AGAP1: variants seen among roughly 807,000 people sequenced by gnomAD.
AGAP1 encodes ArfGAP with GTPase domain, ankyrin repeat and PH domain 1.
Under a neutral mutation model 105.3 loss-of-function variants are expected in AGAP1, and 29 were observed. The ratio of observed to expected loss-of-function variants is 0.28; its 90% CI spans 0.21 to 0.38. AGAP1 has a LOEUF of 0.38. Ranked by LOEUF, AGAP1 falls within the 10% of genes least tolerant of loss-of-function variation. AGAP1 has a pLI of 1.00. For missense variants in AGAP1, 998 were observed against 1,165.1 expected (o/e 0.86, Z 2.09); for synonymous variants, 509 against 485.9 (o/e 1.05, Z -0.63).
rs71064869 is a variant in AGAP1, at chr2:235,682,797, C to CGTGTGTGTGTGTGTGTGTGTGTGT, written c.164-26360_164-26359insGTGTGTGTGTGTGTGTGTGTGTGT. 4.1e-3 allele frequency among the ~76,000 whole-genome samples: 609 copies of CGTGTGTGTGTGTGTGTGTGTGTGT among 149,554 alleles called. 4 individuals are homozygous for CGTGTGTGTGTGTGTGTGTGTGTGT. Among genetic ancestry groups the CGTGTGTGTGTGTGTGTGTGTGTGT allele is most frequent in the African/African-American group, 0.014 (581 of 40,292 alleles). On this transcript the variant is annotated intron_variant, in intron 1 of 17. Transcript: ENST00000304032. ...AACTCGATGTGTGGGTGTGTGCACA[C>CGTGTGTGTGTGTGTGTGTGTGTGT]GTGTGTGTGTGTGTGTGTGTGTTTT...
At position 235,639,020 on chromosome 2, in the gene AGAP1, G is replaced by A. The variant is rs1475125800; in HGVS notation, c.164-70159G>A. On this transcript the variant is annotated intron_variant, in intron 1 of 17. Coordinates refer to ENST00000304032, the MANE Select transcript of AGAP1 (RefSeq NM_001037131.3). This position sits in a 1 kb window ranked among gnomAD's most constrained non-coding sequence, Gnocchi z 5.3. Reference sequence around the variant, plus strand: ...GCAGAATCACCTGCTGAGACCCACTGGTTAAAATAGTGTCAGTAGGGGTGG... The same window carrying A: ...GCAGAATCACCTGCTGAGACCCACTAGTTAAAATAGTGTCAGTAGGGGTGG... Among the ~76,000 whole-genome samples, 1 of 152,136 alleles carries A rather than the reference G, an allele frequency of 6.6e-6. No individual in the cohort carries two copies. The highest frequency in any genetic ancestry group is 1.5e-5 in the Non-Finnish European group (1 of 68,024).
rs1470517916 is a variant in AGAP1, at chr2:236,036,204, A to G, written c.1646-357A>G. The stretch of plus-strand genomic sequence containing the variant: ...CCTGCAGCCGGAGATTAGCGGCCCT[A>G]ACTTAATTTTCGTCCCACAGATAAG... On this transcript the variant is annotated intron_variant, in intron 13 of 17. Coordinates refer to ENST00000304032, the MANE Select transcript of AGAP1 (RefSeq NM_001037131.3). The surrounding 1 kb of genome is among the most constrained non-coding windows in gnomAD (Gnocchi z 5.7). Among the ~76,000 whole-genome samples, 61 of 152,266 alleles carry G rather than the reference A, an allele frequency of 4.0e-4. 1 individual carries two copies. Among genetic ancestry groups the G allele is most frequent in the Non-Finnish European group, 1.2e-4 (8 of 68,018 alleles).
chr2:236,081,968 A>G (rs940273344), intron 16 of AGAP1, among the ~76,000 whole-genome samples: 4 of 152,302 alleles, frequency 2.6e-5, no homozygotes, highest in Admixed American at 2.0e-4. Context: ...CATGCATGGG[A>G]AGTCAAACCT....
chr2:235,987,626 T>C (rs1040784703), intron 13 of AGAP1, among the ~76,000 whole-genome samples: 2 of 152,128 alleles, frequency 1.3e-5, no homozygotes, highest in African/African-American at 4.8e-5. Flanking sequence ...TCTCTAGCTC[T>C]TTCCAATGTG....
In AGAP1 at chr2:236,042,516, T is replaced by C. The variant is rs1471014545; in HGVS notation, c.1891+1675T>C. ...TGTTTCTATCAAAAAGTTTTAAAAGTAAGAGCTTTTTTAAAAGCACGAATC... is the reference window on the plus strand; with the variant it reads ...TGTTTCTATCAAAAAGTTTTAAAAGCAAGAGCTTTTTTAAAAGCACGAATC... On this transcript the variant is annotated intron_variant, in intron 15 of 17. Coordinates refer to ENST00000304032, the MANE Select transcript of AGAP1 (RefSeq NM_001037131.3). This position sits in a 1 kb window ranked among gnomAD's most constrained non-coding sequence, Gnocchi z 5.6. Among the ~76,000 whole-genome samples, 1 of 152,214 alleles carries C rather than the reference T, an allele frequency of 6.6e-6. No homozygotes were observed. Among genetic ancestry groups the C allele is most frequent in the Non-Finnish European group, 1.5e-5 (1 of 68,026 alleles).
At position 236,036,289 on chromosome 2, in the gene AGAP1, A is replaced by G. The variant is rs1335049111; in HGVS notation, c.1646-272A>G. 6.6e-6 allele frequency among the ~76,000 whole-genome samples: 1 copy of G among 152,228 alleles called. No individual in the cohort carries two copies. Among genetic ancestry groups the G allele is most frequent in the Non-Finnish European group, 1.5e-5 (1 of 68,040 alleles). On this transcript the variant is annotated intron_variant, in intron 13 of 17. Coordinates refer to ENST00000304032, the MANE Select transcript of AGAP1 (RefSeq NM_001037131.3). This position sits in a 1 kb window ranked among gnomAD's most constrained non-coding sequence, Gnocchi z 5.7. ...AAGTTGCTTTGTGTGTGCACCACAC[A>G]GAGACGCTGACATCACTCGTTGATT...
Position 235,979,824 on chromosome 2 carries a change from AAAG to A in AGAP1, c.1645+11202_1645+11204del, listed in dbSNP as rs2055015871. Among the ~76,000 whole-genome samples the A allele has an allele frequency of 6.6e-6, 1 of 152,220 alleles. No homozygotes were observed. The highest frequency in any genetic ancestry group is 6.5e-5 in the Admixed American group (1 of 15,286). On this transcript the variant is annotated intron_variant, in intron 13 of 17. Transcript: ENST00000304032. The surrounding 1 kb of genome is among the most constrained non-coding windows in gnomAD (Gnocchi z 4.5). Reference sequence around the variant, plus strand: ...TCTATTTAATTTTTTTAAGTGGAAAAAAGCAAAGGAAAAATGTTTTAGTTTTCT... The same window carrying A: ...TCTATTTAATTTTTTTAAGTGGAAAACAAAGGAAAAATGTTTTAGTTTTCT...
intron 1 of AGAP1, among the ~76,000 whole-genome samples, chr2:235,686,620 GATATATATATAT>G (rs1194270184): frequency 1.7e-5 from 1 of 57,244 alleles, no homozygotes; most frequent in Non-Finnish European, 3.2e-5. Context: ...TGGAGATATA[GATATATATATAT>G]ATATATATAT....
At chr2:235,950,886 A>T (rs1178576560) in intron 12 of AGAP1, among the ~76,000 whole-genome samples, 1 of 111,700 alleles carries the variant, frequency 9.0e-6, no homozygotes, top group Non-Finnish European at 1.8e-5. Context: ...ATCTCCAAGC[A>T]CTTTTTTTTT....
At chr2:236,085,017 A>T (rs2058889010) in intron 16 of AGAP1, among the ~76,000 whole-genome samples, 2 of 151,984 alleles carry the variant, frequency 1.3e-5, no homozygotes, top group South Asian at 4.2e-4. Flanking sequence ...GTTCAAGACC[A>T]GCCTGGCCAA....
Position 235,988,868 on chromosome 2 carries a change from T to C in AGAP1, c.1645+20245T>C, listed in dbSNP as rs561968188. Among the ~76,000 whole-genome samples, 2 of 152,160 alleles carry C rather than the reference T, an allele frequency of 1.3e-5. No individual in the cohort carries two copies. The highest frequency in any genetic ancestry group is 2.9e-5 in the Non-Finnish European group (2 of 67,978). On this transcript the variant is annotated intron_variant, in intron 13 of 17. Transcript: ENST00000304032. The surrounding 1 kb of genome is among the most constrained non-coding windows in gnomAD (Gnocchi z 4.7). The stretch of plus-strand genomic sequence containing the variant: ...TCCTTGACTCTCATCACTCACATGG[T>C]CCCCCAGCAGGTAACTTGCTTCAGC...
intron 6 of AGAP1, among the ~76,000 whole-genome samples, chr2:235,759,359 C>CG (rs1292973657): frequency 1.1e-4 from 16 of 151,046 alleles, no homozygotes; most frequent in African/African-American, 3.9e-4. Context: ...TTAGTAGAGA[C>CG]GGGCTTTCAC....
rs2125972467 is a variant in AGAP1 at position 236,119,370 on chromosome 2, T to C, written c.2115-822T>C. Among the ~76,000 whole-genome samples, 1 of 152,250 alleles carries C rather than the reference T, an allele frequency of 6.6e-6. No homozygotes were observed. Among genetic ancestry groups the C allele is most frequent in the Middle Eastern group, 3.4e-3 (1 of 292 alleles). On this transcript the variant is annotated intron_variant, in intron 16 of 17. Transcript: ENST00000304032. The surrounding 1 kb of genome is among the most constrained non-coding windows in gnomAD (Gnocchi z 6.6). ...CCTTTCCACTTAAGCCTTCCCCAAG[T>C]ATCTGGAGATTCCAAAAGCTGCATC...
At chr2:236,063,204 C>T (rs771591576) in intron 16 of AGAP1, among the ~76,000 whole-genome samples, 28 of 152,194 alleles carry the variant, frequency 1.8e-4, no homozygotes, top group Non-Finnish European at 3.7e-4. Flanking sequence ...AGTGATTCTC[C>T]TGCCTCAGCC....
rs953009328 is a variant in AGAP1, at chr2:236,087,989, G to A, written c.2115-32203G>A. ...GACCTGCTTGGTATCCTTGGCCCCG[G>A]GGTCCAGGTTATTCAGTTTGTTGAT... is the stretch of plus-strand genomic sequence containing the variant. On this transcript the variant is annotated intron_variant, in intron 16 of 17. Transcript: ENST00000304032. The surrounding 1 kb of genome is among the most constrained non-coding windows in gnomAD (Gnocchi z 5.7). Among the ~76,000 whole-genome samples, 1 of 152,178 alleles carries A rather than the reference G, an allele frequency of 6.6e-6. No homozygotes were observed. Among genetic ancestry groups the A allele is most frequent in the Non-Finnish European group, 1.5e-5 (1 of 68,028 alleles).
chr2:235,796,159 C>T (rs1957233796), intron 6 of AGAP1, among the ~76,000 whole-genome samples: 1 of 152,096 alleles, frequency 6.6e-6, no homozygotes, highest in African/African-American at 2.4e-5. Context: ...TAATCAAAGC[C>T]CCTTATTGCT....
At chr2:235,921,016 T>C (rs924571612) in intron 11 of AGAP1, among the ~76,000 whole-genome samples, 1 of 152,232 alleles carries the variant, frequency 6.6e-6, no homozygotes, top group African/African-American at 2.4e-5. Context: ...TTCCATCTTC[T>C]TTTAGTTACT....
Position 236,113,345 on chromosome 2 carries a change from TGGCCA to T in AGAP1, c.2115-6843_2115-6839del, listed in dbSNP as rs2059696521. Reference sequence around the variant, plus strand: ...TAGTAGAGATGGGGTTTTACCATGTTGGCCAGGCTGGTGTCGAACTCCTGACCTCG... The same window carrying T: ...TAGTAGAGATGGGGTTTTACCATGTTGGCTGGTGTCGAACTCCTGACCTCG... On this transcript the variant is annotated intron_variant, in intron 16 of 17. Coordinates refer to ENST00000304032, the MANE Select transcript of AGAP1 (RefSeq NM_001037131.3). This position sits in a 1 kb window ranked among gnomAD's most constrained non-coding sequence, Gnocchi z 4.3. Among the ~76,000 whole-genome samples, 1 of 152,194 alleles carries T rather than the reference TGGCCA, an allele frequency of 6.6e-6. No homozygotes were observed. The highest frequency in any genetic ancestry group is 2.4e-5 in the African/African-American group (1 of 41,448).
chr2:236,092,435 C>A lies in AGAP1; in HGVS notation c.2115-27757C>A, dbSNP rs1264608383. On this transcript the variant is annotated intron_variant, in intron 16 of 17. Coordinates refer to ENST00000304032, the MANE Select transcript of AGAP1 (RefSeq NM_001037131.3). The surrounding 1 kb of genome is among the most constrained non-coding windows in gnomAD (Gnocchi z 4.7). The stretch of plus-strand genomic sequence containing the variant: ...TGTGACAGAGTCTCGCTCTGTCACC[C>A]AGGCTGGAGTGTAGTGGTGCAGTCT... 6.6e-6 allele frequency among the ~76,000 whole-genome samples: 1 copy of A among 152,120 alleles called. No individual in the cohort carries two copies. The highest frequency in any genetic ancestry group is 2.4e-5 in the African/African-American group (1 of 41,434).
Sources: allele counts gnomAD v4.1 joint callset (sites outside exome capture counted in the v4.1 genomes callset), GRCh38; gene constraint gnomAD v4.1.1; non-coding constraint Gnocchi (gnomAD v3.1); transcripts MANE v1.5; gene names NCBI Gene and HGNC (gene_info 2026-07-23, HGNC 2026-07-21).